Variants in RIMBP2 observed in about 807,000 individuals in gnomAD.
RIMBP2 encodes RIMS-binding protein 2.
RIMBP2 carries 48 observed loss-of-function variants against 118.6 expected under a neutral mutation model. That is an observed-to-expected ratio of 0.40 (90% CI 0.32 to 0.51). The LOEUF (loss-of-function observed/expected upper bound fraction) is 0.51, where lower values mean the gene tolerates loss of function less well. Ranked by LOEUF, RIMBP2 falls within the 20% of genes least tolerant of loss-of-function variation. The pLI is 0.41. For synonymous variants in RIMBP2, 762 were observed against 742.9 expected, an observed-to-expected ratio of 1.03 and a Z score of -0.42; for missense variants, 1,551 against 1,768.3, an observed-to-expected ratio of 0.88 and a Z score of 2.20.
intron 3 of RIMBP2, among the ~76,000 whole-genome samples, chr12:130,512,095 C>T (rs7300657): frequency 0.045 from 6,882 of 152,272 alleles, 330 homozygotes; most frequent in African/African-American, 0.11. Context: ...AATTAAAACA[C>T]GATAAATATT....
At chr12:130,480,844 G>T (rs528804837) in intron 4 of RIMBP2, among the ~76,000 whole-genome samples, 1 of 152,192 alleles carries the variant, frequency 6.6e-6, no homozygotes, top group African/African-American at 2.4e-5. Flanking sequence ...CAGGCGATCC[G>T]CCTGCCTCGG....
chr12:130,567,975 T>C (rs554640998), intron 2 of RIMBP2, among the ~76,000 whole-genome samples: 71 of 151,968 alleles, frequency 4.7e-4, no homozygotes, highest in African/African-American at 1.7e-3. Context: ...CCCACGAACA[T>C]CACCTGCCAT....
chr12:130,490,264 A>G lies in RIMBP2; in HGVS notation c.-3-11248T>C, dbSNP rs35690816. ...TACTGTGACAATTCTAAGTTAAAAA[A>G]AAAACTCACGGAAATGTTGATTTTG... is the stretch of plus-strand genomic sequence containing the variant. On this transcript the variant is annotated intron_variant, in intron 4 of 22. Coordinates refer to ENST00000690449, the MANE Select transcript of RIMBP2 (RefSeq NM_001393629.1). 2.6e-5 allele frequency among the ~76,000 whole-genome samples: 4 copies of G among 152,296 alleles called. No homozygotes were observed. In the South Asian group the frequency reaches 8.3e-4, roughly 32 times the overall value.
intron 2 of RIMBP2, among the ~76,000 whole-genome samples, chr12:130,547,925 C>G (rs1194677464): frequency 6.6e-6 from 1 of 152,210 alleles, no homozygotes; most frequent in African/African-American, 2.4e-5. Flanking sequence ...TCTTTCATCT[C>G]TTTCTGCCTA....
intron 2 of RIMBP2, among the ~76,000 whole-genome samples, chr12:130,561,282 C>T (rs1243563402): frequency 6.6e-6 from 1 of 152,194 alleles, no homozygotes; most frequent in Non-Finnish European, 1.5e-5. Context: ...GTCATGGCAG[C>T]ACTAGCAAAT....
Position 130,620,217 on chromosome 12 carries a change from A to T in RIMBP2, c.-217+8105T>A, listed in dbSNP as rs1007337507. 3.3e-5 allele frequency among the ~76,000 whole-genome samples: 5 copies of T among 152,136 alleles called. No homozygotes were observed. Among genetic ancestry groups the T allele is most frequent in the African/African-American group, 9.7e-5 (4 of 41,428 alleles). The stretch of plus-strand genomic sequence containing the variant: ...CACAAGACCGAAGTGGTGGCAGTTA[A>T]ACAATCAGTCCCCTGAATTTAAATC... On this transcript the variant is annotated intron_variant, in intron 2 of 22. Coordinates refer to ENST00000690449, the MANE Select transcript of RIMBP2 (RefSeq NM_001393629.1). The surrounding 1 kb of genome is among the most constrained non-coding windows in gnomAD (Gnocchi z 5.3).
At chr12:130,565,483 G>A (rs561038464) in intron 2 of RIMBP2, among the ~76,000 whole-genome samples, 31 of 152,230 alleles carry the variant, frequency 2.0e-4, no homozygotes, top group Admixed American at 1.2e-3. Flanking sequence ...TAGCACCTAC[G>A]GTAGTGCCTG....
intron 10 of RIMBP2, among the ~76,000 whole-genome samples, chr12:130,444,339 G>C (rs1019658711): frequency 2.6e-5 from 4 of 152,030 alleles, no homozygotes; most frequent in African/African-American, 9.7e-5. Context: ...GAAGTGACCC[G>C]ACCTCACCCC....
At chr12:130,473,386 T>C (rs1441219087) in intron 5 of RIMBP2, among the ~76,000 whole-genome samples, 1 of 152,238 alleles carries the variant, frequency 6.6e-6, no homozygotes, top group African/African-American at 2.4e-5. Flanking sequence ...CCAGAGGATC[T>C]GCTCTCCGGG....
intron 1 of RIMBP2, among the ~76,000 whole-genome samples, chr12:130,704,443 CG>C (rs2066000003): frequency 6.6e-6 from 1 of 151,944 alleles, no homozygotes; most frequent in African/African-American, 2.4e-5. Flanking sequence ...GGCATGGTGG[CG>C]GGCACCTGTA....
At chr12:130,696,977 G>A (rs543308157) in intron 1 of RIMBP2, among the ~76,000 whole-genome samples, 1 of 152,306 alleles carries the variant, frequency 6.6e-6, no homozygotes, top group Non-Finnish European at 1.5e-5. Context: ...GGGCTGTAAG[G>A]TGGGCAGGAG....
chr12:130,541,707 A>T (rs2054619692), intron 2 of RIMBP2, among the ~76,000 whole-genome samples: 1 of 152,246 alleles, frequency 6.6e-6, no homozygotes, highest in Non-Finnish European at 1.5e-5. Context: ...CATGGAGTTG[A>T]GACTGTTATC....
At chr12:130,679,118 A>C (rs2064646969) in intron 1 of RIMBP2, among the ~76,000 whole-genome samples, 1 of 152,102 alleles carries the variant, frequency 6.6e-6, no homozygotes, top group African/African-American at 2.4e-5. Context: ...AACAACAACC[A>C]AAAAAAAGAA....
intron 1 of RIMBP2, among the ~76,000 whole-genome samples, chr12:130,700,707 T>G (rs1460289635): frequency 6.6e-6 from 1 of 152,182 alleles, no homozygotes; most frequent in Non-Finnish European, 1.5e-5. Flanking sequence ...CGTTCAGAAC[T>G]GGGAGGGAAG....
At chr12:130,433,032 G>A (rs903111476) in intron 14 of RIMBP2, among the ~76,000 whole-genome samples, 1 of 152,124 alleles carries the variant, frequency 6.6e-6, no homozygotes, top group African/African-American at 2.4e-5. Context: ...AAATTCCTAC[G>A]CTGCAAGAAA....
rs201924450 is a variant in RIMBP2, at chr12:130,456,489, C to T, written c.358+7G>A. 4.6e-5 allele frequency: 72 copies of T among 1,574,426 alleles called. No homozygotes were observed. Among genetic ancestry groups the T allele is most frequent in the African/African-American group, 5.4e-5 (4 of 74,324 alleles). Reference sequence around the variant, plus strand: ...CCACAGCCAAGGCGGAAGGTCCAGGCGCTTACCTTTGCCGAGGGAGGTGGC... The same window carrying T: ...CCACAGCCAAGGCGGAAGGTCCAGGTGCTTACCTTTGCCGAGGGAGGTGGC... On this transcript the variant is annotated splice_region_variant and intron_variant, in intron 7 of 22. Coordinates refer to ENST00000690449, the MANE Select transcript of RIMBP2 (RefSeq NM_001393629.1).
At chr12:130,478,012 T>G (rs1454996974) in intron 5 of RIMBP2, among the ~76,000 whole-genome samples, 2 of 152,130 alleles carry the variant, frequency 1.3e-5, no homozygotes, top group Non-Finnish European at 2.9e-5. Context: ...GATTTCTTCC[T>G]GGGGGCACCC....
intron 1 of RIMBP2, among the ~76,000 whole-genome samples, chr12:130,646,544 T>C (rs2062985027): frequency 6.6e-6 from 1 of 152,156 alleles, no homozygotes. Context: ...CTCCTCGAGG[T>C]CCTGTTTTCA....
chr12:130,640,118 C>T (rs778572811), intron 1 of RIMBP2, among the ~76,000 whole-genome samples: 1 of 152,152 alleles, frequency 6.6e-6, no homozygotes, highest in East Asian at 1.9e-4. Flanking sequence ...ATGTTATTCT[C>T]GATCACAGAC....
Sources: gnomAD v4.1 joint callset for allele counts (sites outside exome capture counted in the v4.1 genomes callset) on GRCh38, gnomAD v4.1.1 for gene constraint, Gnocchi (gnomAD v3.1) non-coding constraint, MANE v1.5 for transcripts, NCBI Gene and HGNC (gene_info 2026-07-23, HGNC 2026-07-21) for gene names.